Variants in IL10RA observed in about 807,000 individuals in gnomAD.
IL10RA encodes the protein interleukin-10 receptor subunit alpha.
In IL10RA, 18 loss-of-function variants were observed where a neutral mutation model predicts 29.6. The ratio of observed to expected loss-of-function variants is 0.61; its 90% confidence interval spans 0.42 to 0.90. The LOEUF is 0.90. IL10RA is among the 40% of genes least tolerant of loss of function. The pLI is 0.00. For missense variants in IL10RA, 634 were observed against 716.6 expected, an observed-to-expected ratio of 0.88 and a Z score of 1.32; for synonymous variants, 292 against 294.1, an observed-to-expected ratio of 0.99 and a Z score of 0.07.
At chr11:117,988,583 T>C in intron 2 of IL10RA, 81 bp downstream of exon 2, 1 of 1,546,822 alleles carries the variant, frequency 6.5e-7, no homozygotes, top group Non-Finnish European at 8.9e-7. Flanking sequence ...GGAAGATACC[T>C]GCCTTGTTAA....
In IL10RA at chr11:118,000,483, G is replaced by T; in HGVS notation, c.*842G>T. 1 of 454,216 alleles carries T rather than the reference G, an allele frequency of 2.2e-6. No homozygotes were observed. The highest frequency in any genetic ancestry group is 4.4e-6 in the Non-Finnish European group (1 of 226,780). 28.1% of individuals were successfully genotyped at this position (454,216 alleles called of 1,614,324 possible). A position where few individuals can be genotyped will look rare whatever the true frequency, so the allele number is the denominator to read the frequency against. On this transcript the variant is annotated 3_prime_UTR_variant, in exon 7 of 7. Transcript: ENST00000227752. ...AGAGAAGCCATGGTTTTTTGTATTG[G>T]TCATAACTCAGCCCTTTGGGCGGCC... is the stretch of plus-strand genomic sequence containing the variant.
At chr11:117,994,265 A>G (rs1266912451) in intron 5 of IL10RA, 116 bp downstream of exon 5, 46 of 790,274 alleles carry the variant, frequency 5.8e-5, no homozygotes, top group Non-Finnish European at 1.8e-5. Flanking sequence ...GCTGCTTCAC[A>G]TAGCTCTGCA....
intron 6 of IL10RA, 61 bp downstream of exon 6, chr11:117,995,771 G>A: frequency 6.3e-7 from 1 of 1,581,310 alleles, no homozygotes; most frequent in Non-Finnish European, 8.6e-7. Flanking sequence ...CTTCCAGGAG[G>A]GCAGGGAGCT....
Position 117,988,477 on chromosome 11 carries a change from A to G in IL10RA, c.163A>G (p.Thr55Ala). 1 of 1,614,108 alleles carries G rather than the reference A, an allele frequency of 6.2e-7. No homozygotes were observed. The highest frequency in any genetic ancestry group is 8.5e-7 in the Non-Finnish European group (1 of 1,179,974). The change falls in exon 2 of 7, where the codon ACC (threonine) becomes GCC (alanine). Residue 55 changes from threonine to alanine, a missense_variant. Physicochemically the swap from Thr to Ala is moderately conservative, Grantham distance 58. Transcript: ENST00000227752. ...WTPIPNQSES[T>A]CYEVALLRYG... ...ACCCATCCCAAATCAGTCTGAAAGT[A>G]CCTGCTATGAAGTGGCGCTCCTGAG...
downstream of IL10RA, chr11:118,001,486 G>A (rs1365005027): frequency 9.1e-5 from 37 of 406,898 alleles, no homozygotes; most frequent in South Asian, 2.5e-4. Context: ...CACAGGAATC[G>A]TGTGAAACTA....
chr11:117,993,971 T>C (rs773322041), intron 4 of IL10RA, 28 bp from the exon 5 acceptor site: 2 of 1,607,740 alleles, frequency 1.2e-6, no homozygotes, highest in Non-Finnish European at 8.5e-7. Context: ...TAAAAGGATT[T>C]TGTTAATTGC....
chr11:117,994,821 C>G (rs912174691), intron 5 of IL10RA: 3 of 155,784 alleles, frequency 1.9e-5, no homozygotes, highest in African/African-American at 7.2e-5. Flanking sequence ...CCAGTGTGGG[C>G]AGAGTCTGGC....
At position 117,999,435 on chromosome 11, in the gene IL10RA, G is replaced by A. The variant is rs766027945; in HGVS notation, c.1531G>A (p.Ala511Thr). ...AGAAATGACTCTGGCTTCCTCAGGG[G>A]CCCCAACGGGACAGTGGAACCAGCC... ...PLEMTLASSG[A>T]PTGQWNQPTE... Residue 511 changes from alanine to threonine, a missense_variant, in exon 7 of 7, where the codon GCC (alanine) becomes ACC (threonine). By Grantham distance (58) the Ala-to-Thr change is moderately conservative. Coordinates refer to ENST00000227752, the MANE Select transcript of IL10RA (RefSeq NM_001558.4). 170 of 1,614,118 alleles carry A rather than the reference G, an allele frequency of 1.1e-4. No homozygotes were observed. In the East Asian group the frequency reaches 3.7e-3, roughly 35 times the overall value.
rs1040014363 is a variant in IL10RA at position 118,000,031 on chromosome 11, G to A, written c.*390G>A. ...CCAGGCTGAAGTCAGCTCAGACCCAGACCTCCCTGCTTAGGCCACTCGAGC... is the reference window on the plus strand; with the variant it reads ...CCAGGCTGAAGTCAGCTCAGACCCAAACCTCCCTGCTTAGGCCACTCGAGC... On this transcript the variant is annotated 3_prime_UTR_variant, in exon 7 of 7. Transcript: ENST00000227752. 4.3e-6 allele frequency: 2 copies of A among 466,552 alleles called. No individual in the cohort carries two copies. Among genetic ancestry groups the A allele is most frequent in the East Asian group, 1.3e-4 (2 of 15,060 alleles). 28.9% of individuals were successfully genotyped at this position (466,552 alleles called of 1,614,324 possible). A position where few individuals can be genotyped will look rare whatever the true frequency, so the allele number is the denominator to read the frequency against.
rs139195136 is a variant in IL10RA, at chr11:117,998,857, A to T, written c.953A>T (p.Asp318Val). 9 of 1,614,210 alleles carry T rather than the reference A, an allele frequency of 5.6e-6. No individual in the cohort carries two copies. In the African/African-American group the frequency reaches 1.2e-4, roughly 22 times the overall value. Reference protein sequence around the residue: ...LKNLDLHGSTDSGFGSTKPSL... With the variant: ...LKNLDLHGSTVSGFGSTKPSL... The stretch of plus-strand genomic sequence containing the variant: ...AACTTGGACCTGCACGGCAGCACAG[A>T]CAGTGGCTTTGGCAGCACCAAGCCA... The change falls in exon 7 of 7, where the codon GAC becomes GTC. Residue 318 changes from aspartate to valine, a missense_variant. Coordinates refer to ENST00000227752, the MANE Select transcript of IL10RA (RefSeq NM_001558.4).
intron 3 of IL10RA, among the ~76,000 whole-genome samples, chr11:117,990,717 T>C (rs1332132991): frequency 6.6e-6 from 1 of 152,210 alleles, no homozygotes; most frequent in East Asian, 1.9e-4. Context: ...TTATATTCTC[T>C]TCTACTTTTC....
At chr11:117,997,890 C>G (rs1277488392) in intron 6 of IL10RA, among the ~76,000 whole-genome samples, 1 of 152,098 alleles carries the variant, frequency 6.6e-6, no homozygotes, top group Non-Finnish European at 1.5e-5. Context: ...GAGACCTAAG[C>G]CATGTACAGG....
At chr11:117,988,229 A>G in intron 1 of IL10RA, 153 bp from the exon 2 acceptor site, 1 of 850,234 alleles carries the variant, frequency 1.2e-6, no homozygotes, top group Non-Finnish European at 2.0e-6. Flanking sequence ...AATCAGACAC[A>G]TGTGGATTCA....
chr11:117,989,683 C>A lies in IL10RA; in HGVS notation c.367+63C>A. 1.3e-6 allele frequency: 2 copies of A among 1,524,460 alleles called. No homozygotes were observed. Among genetic ancestry groups the A allele is most frequent in the Non-Finnish European group, 1.8e-6 (2 of 1,110,710 alleles). The allele number at this position is 1,524,460 out of a possible 1,614,324, so 94.4% of individuals were successfully genotyped here. ...GTCCCTTCCAGCCAGGAACTCTAGT[C>A]TAGAGCTTTTCTGTCTATTACCATA... On this transcript the variant is annotated intron_variant, in intron 3 of 6. Coordinates refer to ENST00000227752, the MANE Select transcript of IL10RA (RefSeq NM_001558.4). The surrounding 1 kb of genome is among the most constrained non-coding windows in gnomAD (Gnocchi z 4.5).
rs543969053 is a variant in IL10RA at position 117,987,578 on chromosome 11, T to C, written c.68-804T>C. ...TGGCCTTGCACATACTTCAGTCTGC[T>C]TGATCAACAAGACTCTTAAAGTAGA... On this transcript the variant is annotated intron_variant, in intron 1 of 6. Transcript: ENST00000227752. The C allele has an allele frequency of 3.2e-5, 5 of 154,078 alleles. No homozygotes were observed. In the East Asian group the frequency reaches 9.6e-4, roughly 30 times the overall value. 9.5% of individuals were successfully genotyped at this position (154,078 alleles called of 1,614,324 possible). A position where few individuals can be genotyped will look rare whatever the true frequency, so the allele number is the denominator to read the frequency against.
chr11:117,998,166 G>T (rs563455824), intron 6 of IL10RA, among the ~76,000 whole-genome samples: 1 of 152,244 alleles, frequency 6.6e-6, no homozygotes, highest in South Asian at 2.1e-4. Flanking sequence ...AACTTAATTT[G>T]GTGTCTTACA....
rs1179823152 is a variant in IL10RA, at chr11:117,989,271, G to A, written c.189-171G>A. 3.9e-5 allele frequency among the ~76,000 whole-genome samples: 6 copies of A among 152,230 alleles called. No homozygotes were observed. Among genetic ancestry groups the A allele is most frequent in the Non-Finnish European group, 5.9e-5 (4 of 68,038 alleles). The stretch of plus-strand genomic sequence containing the variant: ...CATGGAAATTGGTACGGGGTCCCAA[G>A]ACCAAGGGAGACCCCTCACAATGAG... On this transcript the variant is annotated intron_variant, in intron 2 of 6. Transcript: ENST00000227752. The surrounding 1 kb of genome is among the most constrained non-coding windows in gnomAD (Gnocchi z 4.5).
In IL10RA at chr11:118,000,774, A is replaced by C. The variant is rs1455039217; in HGVS notation, c.*1133A>C. ...TATTAGCCAAGCTGGTCCTGGGAGAATGCAGATACTGTCCGTGGACTACCA... is the reference window on the plus strand; with the variant it reads ...TATTAGCCAAGCTGGTCCTGGGAGACTGCAGATACTGTCCGTGGACTACCA... On this transcript the variant is annotated 3_prime_UTR_variant, in exon 7 of 7. Transcript: ENST00000227752. 2.2e-6 allele frequency: 1 copy of C among 454,154 alleles called. No individual in the cohort carries two copies. The highest frequency in any genetic ancestry group is 6.9e-5 in the East Asian group (1 of 14,540). 28.1% of individuals were successfully genotyped at this position (454,154 alleles called of 1,614,324 possible). A position where few individuals can be genotyped will look rare whatever the true frequency, so the allele number is the denominator to read the frequency against.
rs193211854 is a variant in IL10RA, at chr11:117,999,821, C to A, written c.*180C>A. The A allele has an allele frequency of 4.3e-6, 3 of 704,562 alleles. No individual in the cohort carries two copies. The highest frequency in any genetic ancestry group is 7.7e-6 in the Non-Finnish European group (3 of 389,618). 43.6% of individuals were successfully genotyped at this position (704,562 alleles called of 1,614,324 possible). ...TCAGGGTGTCTGGGGCAGGAGGAGG[C>A]CAACTCACTGAACTAGTGCAGGGTA... On this transcript the variant is annotated 3_prime_UTR_variant, in exon 7 of 7. Coordinates refer to ENST00000227752, the MANE Select transcript of IL10RA (RefSeq NM_001558.4).
Sources: allele counts gnomAD v4.1 joint callset (sites outside exome capture counted in the v4.1 genomes callset), GRCh38; gene constraint gnomAD v4.1.1; non-coding constraint Gnocchi (gnomAD v3.1); transcripts MANE v1.5; gene names NCBI Gene and HGNC (gene_info 2026-07-23, HGNC 2026-07-21).